BRD7: variants seen among roughly 807,000 people sequenced by gnomAD.
BRD7 encodes bromodomain-containing protein 7.
In BRD7, 15 loss-of-function variants were observed where a neutral mutation model predicts 82.1. The ratio of observed to expected loss-of-function variants is 0.18; its 90% CI spans 0.12 to 0.28. BRD7 has a LOEUF of 0.28. Among genes scored for constraint, BRD7 ranks in the 10% least tolerant of loss-of-function variants. BRD7 has a pLI of 1.00. For synonymous variants in BRD7, 232 were observed against 266.9 expected (o/e 0.87, Z 1.27); for missense variants, 638 against 779.9 (o/e 0.82, Z 2.17).
At chr16:50,350,812 A>G (rs530020126) in intron 4 of BRD7, among the ~76,000 whole-genome samples, 24 of 152,346 alleles carry the variant, frequency 1.6e-4, no homozygotes, top group Non-Finnish European at 2.2e-4. Context: ...TGTACACTAG[A>G]ATCACACAGG....
intron 6 of BRD7, among the ~76,000 whole-genome samples, chr16:50,337,200 T>C (rs1457578955): frequency 6.6e-6 from 1 of 152,066 alleles, no homozygotes; most frequent in Non-Finnish European, 1.5e-5. Context: ...CAATGCAGCA[T>C]TTTACTCAAG....
At chr16:50,338,721 A>G (rs575423968) in intron 6 of BRD7, among the ~76,000 whole-genome samples, 11 of 152,318 alleles carry the variant, frequency 7.2e-5, no homozygotes, top group African/African-American at 2.6e-4. Context: ...GCTAGAAATC[A>G]TCTTGGAGAC....
intron 2 of BRD7, among the ~76,000 whole-genome samples, chr16:50,355,304 G>A (rs1210363176): frequency 6.6e-6 from 1 of 152,134 alleles, no homozygotes; most frequent in African/African-American, 2.4e-5. Context: ...CCTCTCTCAA[G>A]TTATCAATAC....
intron 6 of BRD7, among the ~76,000 whole-genome samples, chr16:50,337,388 G>A (rs2037852159): frequency 6.6e-6 from 1 of 150,856 alleles, no homozygotes; most frequent in Non-Finnish European, 1.5e-5. Flanking sequence ...AGCCTCCTGA[G>A]TAGCTGGAAT....
chr16:50,359,300 T>C lies in BRD7; in HGVS notation c.259-4378A>G, dbSNP rs1002339580. On this transcript the variant is annotated intron_variant, in intron 2 of 16. Coordinates refer to ENST00000394688, the MANE Select transcript of BRD7 (RefSeq NM_013263.5). ...TATGGATAAACTATGTAATTAGCTA[T>C]GGTGTCATGGATAAACTATATAATT... Among the ~76,000 whole-genome samples, 3 of 152,250 alleles carry C rather than the reference T, an allele frequency of 2.0e-5. No individual in the cohort carries two copies. The East Asian group carries it at 5.8e-4, about 29-fold the overall frequency.
rs147021714 is a variant in BRD7 at position 50,344,808 on chromosome 16, G to C, written c.592-4722C>G. Among the ~76,000 whole-genome samples the C allele has an allele frequency of 3.3e-5, 5 of 152,356 alleles. No individual in the cohort carries two copies. The East Asian group carries it at 9.6e-4, about 29-fold the overall frequency. On this transcript the variant is annotated intron_variant, in intron 5 of 16. Transcript: ENST00000394688. Reference sequence around the variant, plus strand: ...ACATCTGATTGGTGTACCTGAAAGTGATGGGGAGAATGGAACCAAGTTGGA... The same window carrying C: ...ACATCTGATTGGTGTACCTGAAAGTCATGGGGAGAATGGAACCAAGTTGGA...
rs560288281 is a variant in BRD7 at position 50,329,825 on chromosome 16, T to C, written c.1012-1081A>G. 1.1e-4 allele frequency among the ~76,000 whole-genome samples: 16 copies of C among 152,302 alleles called. No individual in the cohort carries two copies. In the East Asian group the frequency reaches 3.1e-3, roughly 29 times the overall value. On this transcript the variant is annotated intron_variant, in intron 8 of 16. Transcript: ENST00000394688. ...GGAAAAATATTTTTTAAAAAAGAGC[T>C]CTATATTCAAATGTCGGCTCAGTTA...
intron 4 of BRD7, among the ~76,000 whole-genome samples, chr16:50,351,726 T>C (rs2017215166): frequency 6.6e-6 from 1 of 152,226 alleles, no homozygotes; most frequent in African/African-American, 2.4e-5. Context: ...ATTAAGACTT[T>C]GTTTCTAATT....
intron 2 of BRD7, among the ~76,000 whole-genome samples, chr16:50,357,834 C>T (rs754865407): frequency 7.2e-5 from 11 of 151,738 alleles, no homozygotes; most frequent in Admixed American, 2.0e-4. Context: ...TACAAAAATC[C>T]GCTGCGGGTG....
chr16:50,324,661 C>T (rs2037261184), intron 11 of BRD7, among the ~76,000 whole-genome samples: 1 of 152,200 alleles, frequency 6.6e-6, no homozygotes, highest in Non-Finnish European at 1.5e-5. Flanking sequence ...TCAGTTTTTG[C>T]TCAACTTTCC....
intron 4 of BRD7, among the ~76,000 whole-genome samples, chr16:50,353,497 T>C (rs891098006): frequency 1.3e-5 from 2 of 152,214 alleles, no homozygotes; most frequent in South Asian, 2.1e-4. Flanking sequence ...AAATGTATGA[T>C]CTACAACCAT....
At chr16:50,320,143 T>G in intron 15 of BRD7, 105 bp downstream of exon 15, 1 of 1,523,128 alleles carries the variant, frequency 6.6e-7, no homozygotes, top group Non-Finnish European at 8.8e-7. Context: ...AAACTGTCCC[T>G]GGGATTCACA....
Position 50,350,272 on chromosome 16 carries a change from T to C in BRD7, c.447-105A>G, listed in dbSNP as rs908710125. Reference sequence around the variant, plus strand: ...GAAACCCTTCAGATGCAGAAAGAATTTGTAATATGTTAACATATTTTTAAC... The same window carrying C: ...GAAACCCTTCAGATGCAGAAAGAATCTGTAATATGTTAACATATTTTTAAC... On this transcript the variant is annotated intron_variant, in intron 4 of 16. Transcript: ENST00000394688. 6.6e-6 allele frequency: 5 copies of C among 758,930 alleles called. No individual in the cohort carries two copies. In the African/African-American group the frequency reaches 7.3e-5, roughly 11 times the overall value. 47.0% of individuals were successfully genotyped at this position (758,930 alleles called of 1,614,324 possible).
chr16:50,319,128 A>G lies in BRD7; in HGVS notation c.*83T>C. ...AGTTTAATTAAAAACACAATTTACAAATATTTAATATCTTCTGAAAAGCAT... is the reference window on the plus strand; with the variant it reads ...AGTTTAATTAAAAACACAATTTACAGATATTTAATATCTTCTGAAAAGCAT... On this transcript the variant is annotated 3_prime_UTR_variant, in exon 17 of 17. Transcript: ENST00000394688. 4 of 1,282,622 alleles carry G rather than the reference A, an allele frequency of 3.1e-6. No individual in the cohort carries two copies. Among genetic ancestry groups the G allele is most frequent in the Non-Finnish European group, 3.3e-6 (3 of 916,980 alleles). 79.5% of individuals were successfully genotyped at this position (1,282,622 alleles called of 1,614,324 possible).
chr16:50,338,524 C>T (rs1216860394), intron 6 of BRD7, among the ~76,000 whole-genome samples: 3 of 152,200 alleles, frequency 2.0e-5, no homozygotes, highest in Admixed American at 1.3e-4. Flanking sequence ...TGCAGATGCA[C>T]GACTCATTTT....
At chr16:50,327,684 A>T (rs185126610) in intron 9 of BRD7, among the ~76,000 whole-genome samples, 11 of 152,102 alleles carry the variant, frequency 7.2e-5, no homozygotes, top group African/African-American at 2.7e-4. Flanking sequence ...GCCTTCCCTG[A>T]CCCCCAAACA....
At chr16:50,330,430 T>C (rs775401462) in intron 8 of BRD7, among the ~76,000 whole-genome samples, 2 of 151,560 alleles carry the variant, frequency 1.3e-5, no homozygotes, top group Admixed American at 6.6e-5. Flanking sequence ...AACCTCCTTC[T>C]GGCAATCAAC....
chr16:50,324,268 T>TA (rs957864951), intron 11 of BRD7, among the ~76,000 whole-genome samples: 1 of 152,132 alleles, frequency 6.6e-6, no homozygotes, highest in African/African-American at 2.4e-5. Context: ...AAAGAAATCC[T>TA]ACTGGCTGAT....
At chr16:50,338,704 C>T (rs1373549009) in intron 6 of BRD7, among the ~76,000 whole-genome samples, 1 of 152,168 alleles carries the variant, frequency 6.6e-6, no homozygotes, top group Non-Finnish European at 1.5e-5. Flanking sequence ...AGAATCAGAA[C>T]AGTAATGCTA....
Sources: gnomAD v4.1 joint callset for allele counts (sites outside exome capture counted in the v4.1 genomes callset) on GRCh38, gnomAD v4.1.1 for gene constraint, MANE v1.5 for transcripts, NCBI Gene and HGNC (gene_info 2026-07-23, HGNC 2026-07-21) for gene names.